Variants in ABHD16A observed in about 807,000 individuals in gnomAD.
ABHD16A encodes abhydrolase domain containing 16A, phospholipase.
Under a neutral mutation model 89.8 loss-of-function variants are expected in ABHD16A, and 47 were observed. That is an observed-to-expected ratio of 0.52 (90% CI 0.41 to 0.67). ABHD16A has a LOEUF of 0.67. Among genes scored for constraint, ABHD16A ranks in the 30% least tolerant of loss-of-function variants. The probability of loss-of-function intolerance (pLI) is 0.00; values close to 1 mark genes in which losing one functional copy is unlikely to be tolerated. For synonymous variants in ABHD16A, 251 were observed against 280.4 expected (o/e 0.90, Z 1.05); for missense variants, 580 against 734.6 (o/e 0.79, Z 2.43).
At chr6:31,697,117 TAGA>T (rs2151246267) in intron 4 of ABHD16A, 84 bp from the exon 5 acceptor site, 4 of 1,241,884 alleles carry the variant, frequency 3.2e-6, no homozygotes, top group Non-Finnish European at 3.5e-6. Flanking sequence ...GGAGATGGGC[TAGA>T]AGAAGGCCCT....
rs1803482213 is a variant in ABHD16A at position 31,688,086 on chromosome 6, A to G, written c.1325T>C (p.Met442Thr). ...CAGGAGGTCATTGCCTCGGTTGGAC[A>G]TGATGTCCTCAGGAACCCTGGGGGT... The part of the protein sequence containing the change: ...IITTTVPEDI[M>T]SNRGNDLLLK... Residue 442 changes from methionine (M) to threonine (T), a missense_variant, in exon 16 of 20, where the codon ATG (methionine) becomes ACG (threonine). Physicochemically the swap from Met to Thr is moderately conservative, Grantham distance 81 (BLOSUM62 -1). Coordinates refer to ENST00000395952, the MANE Select transcript of ABHD16A (RefSeq NM_021160.3). This position sits in a 1 kb window ranked among gnomAD's most constrained non-coding sequence, Gnocchi z 4.9. 1.2e-6 allele frequency: 2 copies of G among 1,613,048 alleles called. No individual in the cohort carries two copies. The highest frequency in any genetic ancestry group is 1.1e-5 in the South Asian group (1 of 90,940).
At chr6:31,689,503 C>A in intron 12 of ABHD16A, 78 bp downstream of exon 12, 1 of 1,451,946 alleles carries the variant, frequency 6.9e-7, no homozygotes. Context: ...CCACCCCACC[C>A]CATTTCCCCA....
At position 31,690,879 on chromosome 6, in the gene ABHD16A, T is replaced by C. The variant is rs373450896; in HGVS notation, c.844-277A>G. On this transcript the variant is annotated intron_variant, in intron 9 of 19. Coordinates refer to ENST00000395952, the MANE Select transcript of ABHD16A (RefSeq NM_021160.3). The surrounding 1 kb of genome is among the most constrained non-coding windows in gnomAD (Gnocchi z 4.1). ...TGGATCTCTTTCAGGAAGGGGACTA[T>C]GGAGATGTTTTTCCTTTCTCGTTTT... Among the ~76,000 whole-genome samples the C allele has an allele frequency of 1.8e-4, 28 of 152,336 alleles. No individual in the cohort carries two copies. Among genetic ancestry groups the C allele is most frequent in the African/African-American group, 5.8e-4 (24 of 41,566 alleles).
rs60559550 is a variant in ABHD16A at position 31,690,986 on chromosome 6, T to C, written c.844-384A>G. 0.02 allele frequency among the ~76,000 whole-genome samples: 3,062 copies of C among 152,232 alleles called. 71 individuals are homozygous for C. Among genetic ancestry groups the C allele is most frequent in the African/African-American group, 0.061 (2,552 of 41,512 alleles). On this transcript the variant is annotated intron_variant, in intron 9 of 19. Transcript: ENST00000395952. This position sits in a 1 kb window ranked among gnomAD's most constrained non-coding sequence, Gnocchi z 4.1. ...TATCCCTCTCTGAGCTCCAGTCTTA[T>C]GGTCAGATAAACTGTAATGCCATGG...
chr6:31,695,591 C>T (rs974275041), intron 5 of ABHD16A, among the ~76,000 whole-genome samples: 3 of 151,906 alleles, frequency 2.0e-5, no homozygotes, highest in Non-Finnish European at 4.4e-5. Context: ...GGCGTGGTGG[C>T]GCATGCCTGT....
chr6:31,690,815 G>A lies in ABHD16A; in HGVS notation c.844-213C>T, dbSNP rs1200455174. Among the ~76,000 whole-genome samples, 3 of 152,178 alleles carry A rather than the reference G, an allele frequency of 2.0e-5. No homozygotes were observed. Among genetic ancestry groups the A allele is most frequent in the Non-Finnish European group, 2.9e-5 (2 of 68,024 alleles). On this transcript the variant is annotated intron_variant, in intron 9 of 19. Coordinates refer to ENST00000395952, the MANE Select transcript of ABHD16A (RefSeq NM_021160.3). The surrounding 1 kb of genome is among the most constrained non-coding windows in gnomAD (Gnocchi z 4.1). ...ATACTCCTCAGAGGCTGACCTGCTC[G>A]ACCACCCAGCCATGTCTTTTCCTTG...
In ABHD16A at chr6:31,687,127, C is replaced by A. The variant is rs539174682; in HGVS notation, c.*85G>T. 2 of 1,323,950 alleles carry A rather than the reference C, an allele frequency of 1.5e-6. No homozygotes were observed. The highest frequency in any genetic ancestry group is 1.3e-5 in the South Asian group (1 of 76,062). The allele number at this position is 1,323,950 out of a possible 1,614,324, so 82.0% of individuals were successfully genotyped here. ...ACTTTCCACAAACTATAAACAGCAA[C>A]ATGAACACAGAGAATCACAAATAAG... is the stretch of plus-strand genomic sequence containing the variant. On this transcript the variant is annotated 3_prime_UTR_variant, in exon 20 of 20. Transcript: ENST00000395952. The surrounding 1 kb of genome is among the most constrained non-coding windows in gnomAD (Gnocchi z 6.3).
intron 11 of ABHD16A, 127 bp from the exon 12 acceptor site, chr6:31,689,831 A>T (rs908319441): frequency 6.5e-6 from 9 of 1,384,594 alleles, no homozygotes; most frequent in Non-Finnish European, 8.7e-6. Context: ...AAGGGATGGT[A>T]GGAGAGGTTG....
At chr6:31,702,536 G>A in intron 1 of ABHD16A, 3 of 1,279,870 alleles carry the variant, frequency 2.3e-6, no homozygotes, top group Non-Finnish European at 1.0e-6. Context: ...ATGTGGGTAG[G>A]AGCGGGCAGT....
Position 31,693,285 on chromosome 6 carries a change from G to A in ABHD16A, c.503+74C>T. ...GCACTGTGACCTGAGAGGGCATGGA[G>A]GTGGGAGGGCAGAGCAGAGATTTTC... On this transcript the variant is annotated intron_variant, in intron 6 of 19. Transcript: ENST00000395952. This position sits in a 1 kb window ranked among gnomAD's most constrained non-coding sequence, Gnocchi z 5.0. 4.4e-6 allele frequency: 7 copies of A among 1,595,360 alleles called. No individual in the cohort carries two copies. Among genetic ancestry groups the A allele is most frequent in the Middle Eastern group, 1.7e-4 (1 of 6,022 alleles).
intron 1 of ABHD16A, chr6:31,702,656 G>C (rs933569409): frequency 9.8e-6 from 15 of 1,537,062 alleles, no homozygotes; most frequent in Non-Finnish European, 1.1e-5. Context: ...GGGTCTCCAG[G>C]CTAGGTTGGG....
chr6:31,696,037 G>A (rs1376309475), intron 5 of ABHD16A, among the ~76,000 whole-genome samples: 2 of 151,712 alleles, frequency 1.3e-5, no homozygotes, highest in Non-Finnish European at 2.9e-5. Flanking sequence ...GGTGGCAGGC[G>A]CCTGTAGTCC....
In ABHD16A at chr6:31,690,138, G is replaced by C. The variant is rs759381347; in HGVS notation, c.908-11C>G. Reference sequence around the variant, plus strand: ...GGACTGAATATCCAGCTGTAACACAGGGGGAGGAGGGACTGAGACCTTGTG... The same window carrying C: ...GGACTGAATATCCAGCTGTAACACACGGGGAGGAGGGACTGAGACCTTGTG... On this transcript the variant is annotated splice_polypyrimidine_tract_variant and intron_variant, in intron 10 of 19. Coordinates refer to ENST00000395952, the MANE Select transcript of ABHD16A (RefSeq NM_021160.3). This position sits in a 1 kb window ranked among gnomAD's most constrained non-coding sequence, Gnocchi z 4.1. 2.5e-6 allele frequency: 4 copies of C among 1,585,778 alleles called. No homozygotes were observed. The Admixed American group carries it at 7.2e-5, about 29-fold the overall frequency.
chr6:31,691,794 G>T lies in ABHD16A; in HGVS notation c.741+10C>A, dbSNP rs1191476324. ...GGGCTTTAGGGGATGTGCGGGCAGG[G>T]AAGCCTCACCTCTTCCACCAGTCGG... On this transcript the variant is annotated intron_variant, in intron 8 of 19. Coordinates refer to ENST00000395952, the MANE Select transcript of ABHD16A (RefSeq NM_021160.3). 1.2e-6 allele frequency: 2 copies of T among 1,604,724 alleles called. No individual in the cohort carries two copies. The highest frequency in any genetic ancestry group is 3.3e-5 in the Admixed American group (2 of 59,810).
At chr6:31,700,676 C>G (rs1804883389) in intron 4 of ABHD16A, among the ~76,000 whole-genome samples, 1 of 151,586 alleles carries the variant, frequency 6.6e-6, no homozygotes, top group African/African-American at 2.4e-5. Context: ...GTGGGAGGAT[C>G]ACTTTGAGTT....
rs1012078871 is a variant in ABHD16A at position 31,698,746 on chromosome 6, G to A, written c.344-1713C>T. On this transcript the variant is annotated intron_variant, in intron 4 of 19. Coordinates refer to ENST00000395952, the MANE Select transcript of ABHD16A (RefSeq NM_021160.3). The surrounding 1 kb of genome is among the most constrained non-coding windows in gnomAD (Gnocchi z 4.1). ...AGCTACTTTTAGACAGGGTGGTCAG[G>A]GAAGGCCTCTCTGAGGAGAGAGCCC... Among the ~76,000 whole-genome samples, 2 of 152,024 alleles carry A rather than the reference G, an allele frequency of 1.3e-5. No homozygotes were observed. Among genetic ancestry groups the A allele is most frequent in the Non-Finnish European group, 2.9e-5 (2 of 67,992 alleles).
chr6:31,691,473 T>C (rs1803870387), intron 9 of ABHD16A, 106 bp downstream of exon 9: 1 of 932,726 alleles, frequency 1.1e-6, no homozygotes, highest in South Asian at 1.5e-5. Context: ...CATGAGATTA[T>C]CCCCAGTAGT....
rs1334896848 is a variant in ABHD16A at position 31,688,150 on chromosome 6, A to G, written c.1308-47T>C. 6 of 1,605,120 alleles carry G rather than the reference A, an allele frequency of 3.7e-6. No homozygotes were observed. In the Middle Eastern group the frequency reaches 6.6e-4, roughly 177 times the overall value. On this transcript the variant is annotated intron_variant, in intron 15 of 19. Coordinates refer to ENST00000395952, the MANE Select transcript of ABHD16A (RefSeq NM_021160.3). This position sits in a 1 kb window ranked among gnomAD's most constrained non-coding sequence, Gnocchi z 4.9. ...CCTGGAGGGGCTGGAGGTTAGGAGG[A>G]AGGGTCTAGATACCCAGGTTTCTGG...
chr6:31,702,134 C>A lies in ABHD16A; in HGVS notation c.133-4G>T. The A allele has an allele frequency of 6.2e-7, 1 of 1,613,080 alleles. No individual in the cohort carries two copies. The highest frequency in any genetic ancestry group is 8.5e-7 in the Non-Finnish European group (1 of 1,180,026). On this transcript the variant is annotated splice_region_variant and splice_polypyrimidine_tract_variant and intron_variant, in intron 1 of 19. Transcript: ENST00000395952. ...CACGGGGCTGATAGTACGTATCCTGCCAAAACAGATGGCCTCCTTAAGGAC... is the reference window on the plus strand; with the variant it reads ...CACGGGGCTGATAGTACGTATCCTGACAAAACAGATGGCCTCCTTAAGGAC...
Sources: allele counts gnomAD v4.1 joint callset (sites outside exome capture counted in the v4.1 genomes callset), GRCh38; gene constraint gnomAD v4.1.1; non-coding constraint Gnocchi (gnomAD v3.1); transcripts MANE v1.5; gene names NCBI Gene and HGNC (gene_info 2026-07-23, HGNC 2026-07-21).